Variants in ADCY10 observed in about 807,000 individuals in gnomAD.
The protein encoded by ADCY10 is adenylate cyclase type 10.
ADCY10 carries 156 observed loss-of-function variants against 183.3 expected under a neutral mutation model. That is an observed-to-expected ratio of 0.85 (90% confidence interval 0.75 to 0.97). The LOEUF is 0.97. Ranked by LOEUF, ADCY10 falls within the 50% of genes least tolerant of loss-of-function variation. The pLI is 0.00. For synonymous variants in ADCY10, 645 were observed against 670.0 expected (o/e 0.96, Z 0.58); for missense variants, 1,745 against 1,934.3 (o/e 0.90, Z 1.84).
intron 1 of ADCY10, among the ~76,000 whole-genome samples, chr1:167,906,363 T>C (rs1387195915): frequency 4.0e-5 from 6 of 149,372 alleles, no homozygotes; most frequent in African/African-American, 1.2e-4. Flanking sequence ...ATAACTAAGG[T>C]TTAAAAAAAA....
At chr1:167,891,871 A>G (rs1285005440) in intron 8 of ADCY10, among the ~76,000 whole-genome samples, 1 of 152,126 alleles carries the variant, frequency 6.6e-6, no homozygotes, top group East Asian at 1.9e-4. Flanking sequence ...TAATGCAGCC[A>G]TGCTTCCTAA....
At chr1:167,838,922 T>C (rs529164025) in intron 21 of ADCY10, among the ~76,000 whole-genome samples, 4 of 152,334 alleles carry the variant, frequency 2.6e-5, no homozygotes, top group African/African-American at 9.6e-5. Flanking sequence ...AGATCCTTGA[T>C]TATTTTCTTT....
At position 167,908,100 on chromosome 1, in the gene ADCY10, C is replaced by A. The variant is rs372334436; in HGVS notation, c.-58-2902G>T. Among the ~76,000 whole-genome samples, 117 of 152,312 alleles carry A rather than the reference C, an allele frequency of 7.7e-4. 1 individual carries two copies. In the South Asian group the frequency reaches 0.023, roughly 29 times the overall value. On this transcript the variant is annotated intron_variant, in intron 1 of 32. Transcript: ENST00000367851. ...GAATTGAAATCAGTATCCCTGCACT[C>A]CCATGTTTATTTCAGCACTATTCAC...
intron 12 of ADCY10, among the ~76,000 whole-genome samples, chr1:167,876,451 T>C (rs1236790841): frequency 6.6e-6 from 1 of 152,142 alleles, no homozygotes; most frequent in East Asian, 1.9e-4. Flanking sequence ...TTAGTCAAAA[T>C]GGATTATGCC....
intron 16 of ADCY10, among the ~76,000 whole-genome samples, chr1:167,858,285 G>T (rs1459254749): frequency 6.6e-6 from 1 of 151,946 alleles, no homozygotes; most frequent in African/African-American, 2.4e-5. Context: ...GGATCACAAG[G>T]TCAGGAGTTT....
intron 26 of ADCY10, among the ~76,000 whole-genome samples, chr1:167,825,199 A>T (rs890599966): frequency 1.3e-5 from 2 of 152,182 alleles, no homozygotes; most frequent in Non-Finnish European, 2.9e-5. Flanking sequence ...CAGTAGTTAT[A>T]TATTTGTTGG....
chr1:167,827,642 G>A (rs1165136690), intron 26 of ADCY10, among the ~76,000 whole-genome samples: 6 of 151,948 alleles, frequency 3.9e-5, no homozygotes, highest in East Asian at 1.9e-4. Flanking sequence ...CTAGGGATCC[G>A]TGGCACCTTT....
chr1:167,833,377 G>A (rs1458218904), intron 24 of ADCY10, among the ~76,000 whole-genome samples: 1 of 152,158 alleles, frequency 6.6e-6, no homozygotes, highest in Non-Finnish European at 1.5e-5. Context: ...TCTTAGTTGT[G>A]CATTGTCTAC....
chr1:167,828,195 T>C (rs1663456425), intron 26 of ADCY10, among the ~76,000 whole-genome samples: 1 of 152,244 alleles, frequency 6.6e-6, no homozygotes, highest in Non-Finnish European at 1.5e-5. Flanking sequence ...TTGTTTTTCA[T>C]AGAAATGTAA....
intron 30 of ADCY10, among the ~76,000 whole-genome samples, chr1:167,821,587 A>G (rs1209212429): frequency 6.6e-6 from 1 of 152,242 alleles, no homozygotes; most frequent in African/African-American, 2.4e-5. Flanking sequence ...GTCTAATTCC[A>G]GTGCTCAATA....
At chr1:167,883,900 T>A (rs1188930733) in intron 8 of ADCY10, among the ~76,000 whole-genome samples, 1 of 152,208 alleles carries the variant, frequency 6.6e-6, no homozygotes, top group Non-Finnish European at 1.5e-5. Context: ...TATGAGCCAT[T>A]GCAATAAGGG....
In ADCY10 at chr1:167,814,686, AGTT is replaced by A. The variant is rs948848506; in HGVS notation, c.4482+3383_4482+3385del. On this transcript the variant is annotated intron_variant, in intron 31 of 32. Coordinates refer to ENST00000367851, the MANE Select transcript of ADCY10 (RefSeq NM_018417.6). Reference sequence around the variant, plus strand: ...ACAAACATACACTTAATGGGTATAGAGTTGTTGTTTGACAAGATGAAGAGAGTT... The same window carrying A: ...ACAAACATACACTTAATGGGTATAGAGTTGTTTGACAAGATGAAGAGAGTT... 3.7e-4 allele frequency among the ~76,000 whole-genome samples: 56 copies of A among 152,262 alleles called. 1 individual carries two copies. The highest frequency in any genetic ancestry group is 3.4e-3 in the Middle Eastern group (1 of 294).
At chr1:167,865,462 G>A (rs1186356046) in intron 14 of ADCY10, among the ~76,000 whole-genome samples, 1 of 152,110 alleles carries the variant, frequency 6.6e-6, no homozygotes, top group African/African-American at 2.4e-5. Flanking sequence ...TTACCTTATG[G>A]TCAAACATGA....
chr1:167,822,976 C>G (rs745759923), intron 29 of ADCY10, 32 bp downstream of exon 29: 1 of 1,594,684 alleles, frequency 6.3e-7, no homozygotes, highest in Admixed American at 1.7e-5. Context: ...TCAACACCCC[C>G]AAGTTCTTTT....
intron 8 of ADCY10, among the ~76,000 whole-genome samples, chr1:167,891,473 G>A (rs1415908466): frequency 2.0e-5 from 3 of 151,460 alleles, no homozygotes; most frequent in Non-Finnish European, 4.4e-5. Context: ...TGGCTAACAC[G>A]GTGAAACCCT....
At chr1:167,811,862 C>G (rs1053028730) in intron 31 of ADCY10, among the ~76,000 whole-genome samples, 2 of 152,080 alleles carry the variant, frequency 1.3e-5, no homozygotes, top group Non-Finnish European at 2.9e-5. Flanking sequence ...GTAGGAAGTA[C>G]CAACTATCTG....
intron 25 of ADCY10, among the ~76,000 whole-genome samples, 158 bp downstream of exon 25, chr1:167,832,829 C>T (rs748223315): frequency 6.6e-6 from 1 of 152,186 alleles, no homozygotes; most frequent in South Asian, 2.1e-4. Flanking sequence ...GGTATGGGAG[C>T]ACCTCCCACA....
At chr1:167,809,986 GATA>G in intron 32 of ADCY10, 147 bp from the exon 33 acceptor site, 1 of 758,716 alleles carries the variant, frequency 1.3e-6, no homozygotes, top group Non-Finnish European at 2.3e-6. Context: ...TCCAAACTAG[GATA>G]CTGACACAGC....
intron 8 of ADCY10, among the ~76,000 whole-genome samples, chr1:167,890,392 T>A (rs529098228): frequency 6.6e-6 from 1 of 152,310 alleles, no homozygotes; most frequent in South Asian, 2.1e-4. Flanking sequence ...CTTCCCTTAC[T>A]TTCTCCCAAA....
Sources: allele counts gnomAD v4.1 joint callset (sites outside exome capture counted in the v4.1 genomes callset), GRCh38; gene constraint gnomAD v4.1.1; transcripts MANE v1.5; gene names NCBI Gene and HGNC (gene_info 2026-07-23, HGNC 2026-07-21).